The following HTR7 variants were observed in gnomAD, a reference collection of about 807,000 sequenced individuals.
HTR7 encodes the protein 5-HT-7.
Under a neutral mutation model 34.0 loss-of-function variants are expected in HTR7, and 16 were observed. That is an observed-to-expected ratio of 0.47 (90% CI 0.32 to 0.71). The LOEUF is 0.71. HTR7 is among the 30% of genes least tolerant of loss of function. The pLI, the probability that HTR7 is intolerant of heterozygous loss-of-function variation, is 0.04. For synonymous variants in HTR7, 265 were observed against 260.2 expected, an observed-to-expected ratio of 1.02 and a Z score of -0.18; for missense variants, 504 against 625.5, an observed-to-expected ratio of 0.81 and a Z score of 2.07.
intron 1 of HTR7, among the ~76,000 whole-genome samples, chr10:90,776,387 A>G (rs1237438630): frequency 6.6e-6 from 1 of 152,238 alleles, no homozygotes; most frequent in East Asian, 1.9e-4. Context: ...ATACACCCTC[A>G]TATGTATGTA....
chr10:90,810,635 A>G (rs1845791228), intron 1 of HTR7, among the ~76,000 whole-genome samples: 1 of 152,006 alleles, frequency 6.6e-6, no homozygotes, highest in Non-Finnish European at 1.5e-5. Flanking sequence ...CCTATCCTCA[A>G]TACCTCCCTC....
At chr10:90,848,934 G>T (rs1846453071) in intron 1 of HTR7, among the ~76,000 whole-genome samples, 1 of 152,204 alleles carries the variant, frequency 6.6e-6, no homozygotes, top group Admixed American at 6.5e-5. Flanking sequence ...TTCTGATTTG[G>T]TAAGGTCTGG....
intron 1 of HTR7, among the ~76,000 whole-genome samples, chr10:90,855,189 A>T (rs1448718568): frequency 6.6e-6 from 1 of 152,228 alleles, no homozygotes; most frequent in Non-Finnish European, 1.5e-5. Flanking sequence ...CTATGTTACC[A>T]CAATTTGTGA....
intron 1 of HTR7, among the ~76,000 whole-genome samples, chr10:90,778,528 T>C (rs1218382675): frequency 2.6e-5 from 4 of 152,178 alleles, no homozygotes; most frequent in Admixed American, 2.0e-4. Flanking sequence ...TTGTAGGTAA[T>C]ACATTCCTTT....
chr10:90,753,947 C>T (rs1168877836), intron 1 of HTR7, among the ~76,000 whole-genome samples: 1 of 151,790 alleles, frequency 6.6e-6, no homozygotes, highest in Non-Finnish European at 1.5e-5. Flanking sequence ...GCTCAGATGT[C>T]TACAAGAATA....
chr10:90,821,675 G>T (rs897022395), intron 1 of HTR7, among the ~76,000 whole-genome samples: 3 of 152,182 alleles, frequency 2.0e-5, no homozygotes, highest in African/African-American at 7.2e-5. Context: ...GGGAATTGAC[G>T]TGGTTTGATG....
chr10:90,827,309 G>C (rs897926931), intron 1 of HTR7, among the ~76,000 whole-genome samples: 8 of 152,212 alleles, frequency 5.3e-5, no homozygotes, highest in African/African-American at 1.9e-4. Context: ...ACTTTGGGAG[G>C]CCAAGGGTGG....
intron 1 of HTR7, among the ~76,000 whole-genome samples, chr10:90,772,200 A>G (rs1396736353): frequency 1.3e-5 from 2 of 152,188 alleles, no homozygotes; most frequent in East Asian, 3.9e-4. Flanking sequence ...AAAAAAGCAA[A>G]TAGTCATTAG....
chr10:90,781,707 A>G (rs1487101396), intron 1 of HTR7, among the ~76,000 whole-genome samples: 1 of 152,264 alleles, frequency 6.6e-6, no homozygotes, highest in Non-Finnish European at 1.5e-5. Context: ...GCAGAGAATC[A>G]GAACTAAAGT....
chr10:90,793,594 TAA>T (rs1845493081), intron 1 of HTR7, among the ~76,000 whole-genome samples: 1 of 148,978 alleles, frequency 6.7e-6, no homozygotes, highest in South Asian at 2.1e-4. Context: ...GTACCTCAAC[TAA>T]GACACTGTAT....
Position 90,783,948 on chromosome 10 carries a change from T to C in HTR7, c.540-34354A>G, listed in dbSNP as rs542479915. Reference sequence around the variant, plus strand: ...GGTTACTATATAATTATCCTTTTTATTCTATGACTTCAAGCAAAATTTCTA... The same window carrying C: ...GGTTACTATATAATTATCCTTTTTACTCTATGACTTCAAGCAAAATTTCTA... On this transcript the variant is annotated intron_variant, in intron 1 of 3. Coordinates refer to ENST00000336152, the MANE Select transcript of HTR7 (RefSeq NM_019859.4). Among the ~76,000 whole-genome samples the C allele has an allele frequency of 1.2e-4, 18 of 152,342 alleles. No individual in the cohort carries two copies. In the Middle Eastern group the frequency reaches 0.01, roughly 86 times the overall value.
chr10:90,822,481 T>C (rs898549086), intron 1 of HTR7, among the ~76,000 whole-genome samples: 1 of 152,214 alleles, frequency 6.6e-6, no homozygotes, highest in African/African-American at 2.4e-5. Context: ...CATATGCTTG[T>C]ATTCATAAGC....
At chr10:90,814,965 G>C (rs1845875433) in intron 1 of HTR7, among the ~76,000 whole-genome samples, 1 of 152,236 alleles carries the variant, frequency 6.6e-6, no homozygotes. Flanking sequence ...AAGTCCCTTG[G>C]CTCAACCTCC....
chr10:90,821,087 T>G (rs575014127), intron 1 of HTR7, among the ~76,000 whole-genome samples: 1 of 151,364 alleles, frequency 6.6e-6, no homozygotes, highest in Admixed American at 6.6e-5. Context: ...TGAAGAAATA[T>G]CAAGTTTAAC....
chr10:90,802,926 C>T (rs1057352307), intron 1 of HTR7, among the ~76,000 whole-genome samples: 1 of 151,344 alleles, frequency 6.6e-6, no homozygotes, highest in Admixed American at 6.6e-5. Context: ...GTGTAGATGA[C>T]CAGCTGAGAA....
intron 1 of HTR7, among the ~76,000 whole-genome samples, chr10:90,829,004 A>G (rs532735431): frequency 1.1e-4 from 17 of 152,302 alleles, no homozygotes; most frequent in African/African-American, 3.4e-4. Context: ...CCTCAAAAAA[A>G]TCTTGCAAAC....
intron 1 of HTR7, among the ~76,000 whole-genome samples, chr10:90,822,563 T>C (rs1202602048): frequency 6.6e-6 from 1 of 152,250 alleles, no homozygotes; most frequent in African/African-American, 2.4e-5. Flanking sequence ...AAATTTGTAG[T>C]CTGGCCATAT....
intron 1 of HTR7, among the ~76,000 whole-genome samples, chr10:90,785,600 C>A (rs2119860706): frequency 6.6e-6 from 1 of 152,326 alleles, no homozygotes; most frequent in Non-Finnish European, 1.5e-5. Context: ...GAATAACCAA[C>A]TGCACTTCTG....
In HTR7 at chr10:90,857,468, G is replaced by A. The variant is rs966562204; in HGVS notation, c.204C>T (p.Ser68=). The change falls in exon 1 of 4, where the codon TCC becomes TCT. Residue 68 remains serine (S), a synonymous_variant. Transcript: ENST00000336152. The surrounding 1 kb of genome is among the most constrained non-coding windows in gnomAD (Gnocchi z 6.5). ...CGTAGTTGATCTGTTCCCCACAGCCGGAGGCATTGTCCGGGGGCGCGTCCC... is the reference window on the plus strand; with the variant it reads ...CGTAGTTGATCTGTTCCCCACAGCCAGAGGCATTGTCCGGGGGCGCGTCCC... ...PTWDAPPDNA[S]GCGEQINYGR... The A allele has an allele frequency of 3.7e-6, 6 of 1,613,730 alleles. No individual in the cohort carries two copies. The highest frequency in any genetic ancestry group is 2.7e-5 in the African/African-American group (2 of 74,942).
Sources: allele counts gnomAD v4.1 joint callset (sites outside exome capture counted in the v4.1 genomes callset), GRCh38; gene constraint gnomAD v4.1.1; non-coding constraint Gnocchi (gnomAD v3.1); transcripts MANE v1.5; gene names NCBI Gene and HGNC (gene_info 2026-07-23, HGNC 2026-07-21).